The following ACVR1 variants were observed in gnomAD, a reference collection of about 807,000 sequenced individuals.
The protein encoded by ACVR1 is activin receptor type-1.
In ACVR1, 38 loss-of-function variants were observed where a neutral mutation model predicts 57.1. The observed-to-expected ratio is 0.67, with a 90% CI of 0.51 to 0.87. ACVR1 has a LOEUF of 0.87. Among genes scored for constraint, ACVR1 ranks in the 40% least tolerant of loss-of-function variants. The pLI, the probability that ACVR1 is intolerant of heterozygous loss-of-function variation, is 0.00. For synonymous variants in ACVR1, 212 were observed against 228.1 expected, an observed-to-expected ratio of 0.93 and a Z score of 0.63; for missense variants, 463 against 638.2, an observed-to-expected ratio of 0.73 and a Z score of 2.96.
At chr2:157,740,110 G>A (rs911602265) in intron 9 of ACVR1, among the ~76,000 whole-genome samples, 6 of 151,852 alleles carry the variant, frequency 4.0e-5, no homozygotes, top group Admixed American at 2.0e-4. Flanking sequence ...GCTTGAACCC[G>A]GGAGGTGGAT....
chr2:157,843,446 C>A (rs1374232543), intron 1 of ACVR1, among the ~76,000 whole-genome samples: 1 of 151,930 alleles, frequency 6.6e-6, no homozygotes, highest in Non-Finnish European at 1.5e-5. Flanking sequence ...ATCCATATTA[C>A]CACACTTAAT....
chr2:157,753,457 G>A (rs1339621961), intron 9 of ACVR1, among the ~76,000 whole-genome samples: 1 of 152,158 alleles, frequency 6.6e-6, no homozygotes, highest in Non-Finnish European at 1.5e-5. Context: ...GAATCTGGGA[G>A]GTGGAGGTTG....
chr2:157,827,396 T>C (rs1688423131), intron 1 of ACVR1, among the ~76,000 whole-genome samples: 1 of 152,044 alleles, frequency 6.6e-6, no homozygotes, highest in Non-Finnish European at 1.5e-5. Context: ...AAATGAACAA[T>C]GTTTTATGTG....
rs530500887 is a variant in ACVR1, at chr2:157,759,860, T to C, written c.1264+1020A>G. Among the ~76,000 whole-genome samples the C allele has an allele frequency of 3.9e-5, 6 of 152,216 alleles. No individual in the cohort carries two copies. The East Asian group carries it at 1.2e-3, about 29-fold the overall frequency. The stretch of plus-strand genomic sequence containing the variant: ...CAAAAACCTCATGATCATCTCAATA[T>C]ATGCAGAAAAAGTTCTGTGTCTATT... On this transcript the variant is annotated intron_variant, in intron 9 of 10. Coordinates refer to ENST00000434821, the MANE Select transcript of ACVR1 (RefSeq NM_001111067.4).
chr2:157,737,110 C>T lies in ACVR1; in HGVS notation c.*421G>A, dbSNP rs761727358. 246 of 302,596 alleles carry T rather than the reference C, an allele frequency of 8.1e-4. No homozygotes were observed. The highest frequency in any genetic ancestry group is 2.0e-3 in the Middle Eastern group (2 of 1,002). The allele number at this position is 302,596 out of a possible 1,614,324, so 18.7% of individuals were successfully genotyped here. On this transcript the variant is annotated 3_prime_UTR_variant, in exon 11 of 11. Coordinates refer to ENST00000434821, the MANE Select transcript of ACVR1 (RefSeq NM_001111067.4). ...TAAGGAATGCAAAGAATTCCTAGTG[C>T]AATAAAGAAGAGAAGCACAGGCAAT...
intron 7 of ACVR1, 28 bp from the exon 8 acceptor site, chr2:157,766,224 T>C (rs1685854904): frequency 6.2e-7 from 1 of 1,609,734 alleles, no homozygotes; most frequent in Admixed American, 1.7e-5. Context: ...AAAATTAATA[T>C]ACATGAGGAT....
At chr2:157,824,332 G>A (rs1285716041) in intron 1 of ACVR1, among the ~76,000 whole-genome samples, 1 of 152,094 alleles carries the variant, frequency 6.6e-6, no homozygotes, top group East Asian at 1.9e-4. Flanking sequence ...GCCTGGCATG[G>A]TGGTGCACAC....
chr2:157,758,514 G>A (rs1685517362), intron 9 of ACVR1, among the ~76,000 whole-genome samples: 1 of 151,910 alleles, frequency 6.6e-6, no homozygotes, highest in Non-Finnish European at 1.5e-5. Flanking sequence ...CATGATTCTA[G>A]ATATATATGC....
At chr2:157,779,192 G>A (rs980362976) in intron 4 of ACVR1, among the ~76,000 whole-genome samples, 1 of 152,156 alleles carries the variant, frequency 6.6e-6, no homozygotes, top group Admixed American at 6.5e-5. Flanking sequence ...AAAACTCAAG[G>A]TCTAGCAGAG....
At chr2:157,823,687 C>T (rs1017184968) in intron 1 of ACVR1, among the ~76,000 whole-genome samples, 3 of 151,046 alleles carry the variant, frequency 2.0e-5, no homozygotes, top group Admixed American at 6.6e-5. Context: ...TACTTAATTA[C>T]AGAGTGTAAT....
intron 1 of ACVR1, among the ~76,000 whole-genome samples, chr2:157,822,352 G>A (rs988501708): frequency 2.0e-5 from 3 of 152,144 alleles, no homozygotes; most frequent in Non-Finnish European, 4.4e-5. Context: ...ATCATTTAGT[G>A]AGCTCTTAGT....
chr2:157,779,347 T>C (rs1182782628), intron 4 of ACVR1, among the ~76,000 whole-genome samples: 1 of 152,240 alleles, frequency 6.6e-6, no homozygotes, highest in Non-Finnish European at 1.5e-5. Context: ...CCCTTTTAGT[T>C]TTAACCATGT....
At chr2:157,855,308 G>GTGTGTGTGTATATATA (rs1307480066) in intron 1 of ACVR1, among the ~76,000 whole-genome samples, 33 of 51,628 alleles carry the variant, frequency 6.4e-4, no homozygotes, top group Admixed American at 1.5e-3. Context: ...GTGTGTGTGT[G>GTGTGTGTGTATATATA]TATATATATA....
chr2:157,804,821 A>C (rs1456735028), intron 2 of ACVR1, among the ~76,000 whole-genome samples: 2 of 152,266 alleles, frequency 1.3e-5, no homozygotes, highest in Non-Finnish European at 2.9e-5. Context: ...TCACCAGGGT[A>C]GTACAAAACG....
At chr2:157,847,106 G>GTTGCA (rs2105360999) in intron 1 of ACVR1, among the ~76,000 whole-genome samples, 1 of 152,278 alleles carries the variant, frequency 6.6e-6, no homozygotes, top group African/African-American at 2.4e-5. Flanking sequence ...TTAGAATGAT[G>GTTGCA]TTGCACAGGA....
chr2:157,773,476 G>A (rs2105270664), intron 6 of ACVR1, among the ~76,000 whole-genome samples: 1 of 152,256 alleles, frequency 6.6e-6, no homozygotes, highest in Non-Finnish European at 1.5e-5. Flanking sequence ...TATTTGTGAT[G>A]TGTACAAACA....
rs528262907 is a variant in ACVR1, at chr2:157,844,844, TA to T, written c.-182-26286del. On this transcript the variant is annotated intron_variant, in intron 1 of 10. Transcript: ENST00000434821. ...GTCATTAGGGAGATTCATGCTCTTATAAAAAAAGAGCTCCCTGGGCCCCCCC... is the reference window on the plus strand; with the variant it reads ...GTCATTAGGGAGATTCATGCTCTTATAAAAAAGAGCTCCCTGGGCCCCCCC... Among the ~76,000 whole-genome samples, 159 of 152,120 alleles carry T rather than the reference TA, an allele frequency of 1.0e-3. 1 individual carries two copies. Among genetic ancestry groups the T allele is most frequent in the South Asian group, 8.5e-3 (41 of 4,816 alleles).
intron 1 of ACVR1, among the ~76,000 whole-genome samples, chr2:157,861,714 G>T (rs1407194068): frequency 6.6e-6 from 1 of 152,196 alleles, no homozygotes; most frequent in Non-Finnish European, 1.5e-5. Context: ...GAGTATTCCA[G>T]CAGGTTTAAT....
At chr2:157,776,143 T>C (rs1026654906) in intron 5 of ACVR1, among the ~76,000 whole-genome samples, 1 of 152,242 alleles carries the variant, frequency 6.6e-6, no homozygotes, top group Admixed American at 6.5e-5. Context: ...TTGTTTTAAA[T>C]AGTGTTCTTT....
Sources: allele counts gnomAD v4.1 joint callset (sites outside exome capture counted in the v4.1 genomes callset), GRCh38; gene constraint gnomAD v4.1.1; transcripts MANE v1.5; gene names NCBI Gene and HGNC (gene_info 2026-07-23, HGNC 2026-07-21).